The following NCOA2 variants were observed in gnomAD, a reference collection of about 807,000 sequenced individuals.
NCOA2 encodes the protein nuclear receptor coactivator 2, also known as class E basic helix-loop-helix protein 75.
NCOA2 carries 21 observed loss-of-function variants against 145.1 expected under a neutral mutation model. The observed-to-expected ratio is 0.14, with a 90% CI of 0.10 to 0.21. The LOEUF is 0.21. Ranked by LOEUF, NCOA2 falls within the 10% of genes least tolerant of loss-of-function variation. NCOA2 has a pLI of 1.00. For synonymous variants in NCOA2, 619 were observed against 637.5 expected, an observed-to-expected ratio of 0.97 and a Z score of 0.44; for missense variants, 1,472 against 1,837.6, an observed-to-expected ratio of 0.80 and a Z score of 3.64.
chr8:70,166,515 C>T (rs1813634995), intron 7 of NCOA2, 51 bp downstream of exon 7: 16 of 1,586,240 alleles, frequency 1.0e-5, no homozygotes, highest in Non-Finnish European at 1.4e-5. Context: ...AAGGAAGTAG[C>T]ACAGGAATAA....
Position 70,228,034 on chromosome 8 carries a change from A to G in NCOA2, c.-19-11270T>C, listed in dbSNP as rs1820814733. The stretch of plus-strand genomic sequence containing the variant: ...AAAAAAAAAAAAAGCCAAATTAAGC[A>G]TTTTTATTTGCAAATAACACATCCC... On this transcript the variant is annotated intron_variant, in intron 2 of 22. Transcript: ENST00000452400. Among the ~76,000 whole-genome samples the G allele has an allele frequency of 4.6e-5, 7 of 151,100 alleles. No individual in the cohort carries two copies. The South Asian group carries it at 1.5e-3, about 31-fold the overall frequency.
chr8:70,445,371 G>C, the NCOA2 span, among the ~76,000 whole-genome samples: 1 of 152,120 alleles, frequency 6.6e-6, no homozygotes, highest in Non-Finnish European at 1.5e-5. Context: ...AAGAATTTCA[G>C]TTTTTCCACA....
chr8:70,341,087 A>AAAAAAAAAAAG, intron 1 of NCOA2, among the ~76,000 whole-genome samples: 1 of 150,228 alleles, frequency 6.7e-6, no homozygotes, highest in Admixed American at 6.6e-5. Context: ...AAGTTGAAAA[A>AAAAAAAAAAAG]AAAAAAAAAA....
intron 11 of NCOA2, among the ~76,000 whole-genome samples, chr8:70,155,203 G>T (rs765624841): frequency 5.3e-5 from 8 of 152,164 alleles, no homozygotes; most frequent in Non-Finnish European, 1.2e-4. Flanking sequence ...ACTAATATCA[G>T]TTCAATCTTT....
At chr8:70,190,894 C>T (rs1816609344) in intron 4 of NCOA2, among the ~76,000 whole-genome samples, 2 of 152,058 alleles carry the variant, frequency 1.3e-5, no homozygotes, top group African/African-American at 2.4e-5. Context: ...CAAATGACTA[C>T]ATTATAAATG....
At chr8:70,309,220 C>G (rs1037830856) in intron 1 of NCOA2, among the ~76,000 whole-genome samples, 1 of 152,098 alleles carries the variant, frequency 6.6e-6, no homozygotes, top group Admixed American at 6.5e-5. Context: ...ACTCCAGATA[C>G]AGAAGAGACA....
At position 70,191,980 on chromosome 8, in the gene NCOA2, T is replaced by C. The variant is rs551172395; in HGVS notation, c.260-17121A>G. Among the ~76,000 whole-genome samples the C allele has an allele frequency of 4.6e-5, 7 of 152,260 alleles. No individual in the cohort carries two copies. The South Asian group carries it at 1.2e-3, about 27-fold the overall frequency. On this transcript the variant is annotated intron_variant, in intron 4 of 22. Transcript: ENST00000452400. ...CCGCTTGAACCTGGGAGGCAGAGGC[T>C]GCAGTGAGCTGAGATCGTGCCACTG...
chr8:70,351,969 G>T, intron 1 of NCOA2, among the ~76,000 whole-genome samples: 1 of 148,006 alleles, frequency 6.8e-6, no homozygotes, highest in African/African-American at 2.5e-5. Flanking sequence ...TATGCTAACT[G>T]GGCAATTTTT....
chr8:70,338,329 G>C lies in NCOA2; in HGVS notation c.-76-41529C>G, dbSNP rs1019881325. ...TAAACACTTCCATGCACATGAAATA[G>C]AAAAATCTAGAAAATATGGATAAAT... On this transcript the variant is annotated intron_variant, in intron 1 of 22. Coordinates refer to ENST00000452400, the MANE Select transcript of NCOA2 (RefSeq NM_006540.4). Among the ~76,000 whole-genome samples, 5 of 152,000 alleles carry C rather than the reference G, an allele frequency of 3.3e-5. No homozygotes were observed. In the East Asian group the frequency reaches 9.6e-4, roughly 29 times the overall value.
At chr8:70,347,442 G>T (rs1808779799) in intron 1 of NCOA2, among the ~76,000 whole-genome samples, 2 of 151,472 alleles carry the variant, frequency 1.3e-5, no homozygotes, top group Admixed American at 1.3e-4. Context: ...CCAAGATCGT[G>T]CCATTGCACT....
At chr8:70,393,313 G>T (rs976544061) in intron 1 of NCOA2, among the ~76,000 whole-genome samples, 1 of 152,178 alleles carries the variant, frequency 6.6e-6, no homozygotes, top group Non-Finnish European at 1.5e-5. Flanking sequence ...CATCAGCATT[G>T]CCATTCTGTT....
rs35093120 is a variant in NCOA2 at position 70,346,717 on chromosome 8, A to G, written c.-76-49917T>C. Among the ~76,000 whole-genome samples the G allele has an allele frequency of 0.028, 4,321 of 152,290 alleles. 359 individuals carry two copies. In the East Asian group the frequency reaches 0.34, roughly 12 times the overall value. The stretch of plus-strand genomic sequence containing the variant: ...TACCAGTGGAAGGGAGGCAGGGAGG[A>G]AAGAGTAGAAGTTAGAGAACCAAGA... On this transcript the variant is annotated intron_variant, in intron 1 of 22. Transcript: ENST00000452400.
chr8:70,257,928 CTTTTT>C (rs1234184849), intron 2 of NCOA2, among the ~76,000 whole-genome samples: 2 of 149,828 alleles, frequency 1.3e-5, no homozygotes, highest in Non-Finnish European at 3.0e-5. Context: ...TTTCTTTTTT[CTTTTT>C]TTGAGACTCT....
intron 1 of NCOA2, among the ~76,000 whole-genome samples, chr8:70,305,466 G>A (rs1586434183): frequency 6.6e-6 from 1 of 152,154 alleles, no homozygotes; most frequent in Non-Finnish European, 1.5e-5. Context: ...AAGAGAGGAG[G>A]TGTCTCCTTA....
chr8:70,186,986 T>C (rs1434037172), intron 4 of NCOA2, among the ~76,000 whole-genome samples: 2 of 152,206 alleles, frequency 1.3e-5, no homozygotes, highest in East Asian at 3.8e-4. Flanking sequence ...ACCCTTTAAA[T>C]ACCTTACAGC....
At chr8:70,434,772 T>C in the NCOA2 span, among the ~76,000 whole-genome samples, 1 of 152,124 alleles carries the variant, frequency 6.6e-6, no homozygotes, top group Non-Finnish European at 1.5e-5. Context: ...GGTAATACTG[T>C]GTTGCTCAGC....
intron 1 of NCOA2, among the ~76,000 whole-genome samples, chr8:70,353,527 A>G (rs1809428700): frequency 6.7e-6 from 1 of 150,150 alleles, no homozygotes; most frequent in South Asian, 2.2e-4. Flanking sequence ...CAAAATGATC[A>G]TATAAACTCA....
intron 1 of NCOA2, among the ~76,000 whole-genome samples, chr8:70,335,063 C>T (rs1218978956): frequency 8.0e-6 from 1 of 124,616 alleles, no homozygotes; most frequent in Non-Finnish European, 1.6e-5. Flanking sequence ...GTGGAGGTTG[C>T]AGTGAGCTGA....
chr8:70,418,464 A>G, the NCOA2 span, among the ~76,000 whole-genome samples: 1 of 152,202 alleles, frequency 6.6e-6, no homozygotes, highest in Non-Finnish European at 1.5e-5. Context: ...GCCTCCTTCC[A>G]GAGACTCCTG....
Sources: gnomAD v4.1 joint callset for allele counts (sites outside exome capture counted in the v4.1 genomes callset) on GRCh38, gnomAD v4.1.1 for gene constraint, MANE v1.5 for transcripts, NCBI Gene and HGNC (gene_info 2026-07-23, HGNC 2026-07-21) for gene names.